DRAM1: variants seen among roughly 807,000 people sequenced by gnomAD.
DRAM1 encodes DNA damage-regulated autophagy modulator protein 1.
DRAM1 carries 25 observed loss-of-function variants against 28.5 expected under a neutral mutation model. The ratio of observed to expected loss-of-function variants is 0.88; its 90% CI spans 0.64 to 1.23. The LOEUF is 1.23. Among genes scored for constraint, DRAM1 ranks in the 50% most tolerant of loss-of-function variants. The pLI is 0.00. For synonymous variants in DRAM1, 113 were observed against 114.2 expected (o/e 0.99, Z 0.07); for missense variants, 249 against 299.2 (o/e 0.83, Z 1.24).
chr12:101,913,496 A>G (rs554905375), intron 4 of DRAM1, among the ~76,000 whole-genome samples: 188 of 152,110 alleles, frequency 1.2e-3, no homozygotes, highest in Non-Finnish European at 2.1e-3. Flanking sequence ...ACCTGAGGTC[A>G]GGAGTTCAAG....
chr12:101,908,893 C>CAAAAAAAAA (rs56843086), intron 4 of DRAM1, among the ~76,000 whole-genome samples: 2 of 70,898 alleles, frequency 2.8e-5, no homozygotes, highest in African/African-American at 4.8e-5. Context: ...TCCCCACAAC[C>CAAAAAAAAA]AAAAAAAAAA....
chr12:101,919,343 G>T (rs1190000899), intron 5 of DRAM1, among the ~76,000 whole-genome samples: 9 of 151,708 alleles, frequency 5.9e-5, no homozygotes, highest in African/African-American at 2.2e-4. Flanking sequence ...AGCAACACTA[G>T]TGTATTATTT....
At chr12:101,880,263 G>A (rs1872646923) in intron 1 of DRAM1, among the ~76,000 whole-genome samples, 2 of 139,206 alleles carry the variant, frequency 1.4e-5, no homozygotes, top group African/African-American at 2.7e-5. Context: ...ATCTTGCTGT[G>A]TCCTGCAATG....
chr12:101,877,650 G>C lies in DRAM1; in HGVS notation c.-140G>C, dbSNP rs1225466349. 2 of 530,132 alleles carry C rather than the reference G, an allele frequency of 3.8e-6. No individual in the cohort carries two copies. Among genetic ancestry groups the C allele is most frequent in the Non-Finnish European group, 5.5e-6 (2 of 361,590 alleles). 32.8% of individuals were successfully genotyped at this position (530,132 alleles called of 1,614,324 possible). ...CGCGCTTCCCCTCCCTCCGGGGCTG[G>C]GCCTGCCCCGGCCGTCGCGGAGCCT... On this transcript the variant is annotated 5_prime_UTR_variant, in exon 1 of 7. Coordinates refer to ENST00000258534, the MANE Select transcript of DRAM1 (RefSeq NM_018370.3). This position sits in a 1 kb window ranked among gnomAD's most constrained non-coding sequence, Gnocchi z 4.1.
intron 1 of DRAM1, among the ~76,000 whole-genome samples, chr12:101,890,773 C>T (rs1162995495): frequency 6.2e-5 from 8 of 128,854 alleles, no homozygotes; most frequent in African/African-American, 1.1e-4. Flanking sequence ...TTTTTTGAGT[C>T]GGCGTCTTGC....
intron 1 of DRAM1, among the ~76,000 whole-genome samples, chr12:101,886,081 A>G (rs1294889920): frequency 1.3e-5 from 2 of 152,076 alleles, no homozygotes; most frequent in Non-Finnish European, 2.9e-5. Flanking sequence ...CCAGCACCTC[A>G]TTGTTCATTG....
intron 2 of DRAM1, 144 bp downstream of exon 2, chr12:101,898,074 G>A (rs1361208853): frequency 2.0e-6 from 1 of 511,606 alleles, no homozygotes; most frequent in East Asian, 3.7e-5. Context: ...AGGCTGGAGT[G>A]CAGTGGCGTG....
At chr12:101,912,909 G>C (rs1775148995) in intron 4 of DRAM1, among the ~76,000 whole-genome samples, 1 of 151,976 alleles carries the variant, frequency 6.6e-6, no homozygotes, top group Non-Finnish European at 1.5e-5. Context: ...TGTGTTTTTA[G>C]TAGAGACTGG....
intron 4 of DRAM1, 60 bp downstream of exon 4, chr12:101,908,423 A>G (rs1873907053): frequency 1.3e-6 from 2 of 1,534,018 alleles, no homozygotes; most frequent in African/African-American, 2.7e-5. Flanking sequence ...ACACTTGTTA[A>G]AGAAGGGTAA....
intron 1 of DRAM1, among the ~76,000 whole-genome samples, chr12:101,892,158 T>G (rs1181840474): frequency 6.6e-6 from 1 of 152,116 alleles, no homozygotes; most frequent in East Asian, 1.9e-4. Context: ...AAATATTTAC[T>G]TAATATATAA....
chr12:101,905,581 CTT>C (rs1012643154), intron 3 of DRAM1, among the ~76,000 whole-genome samples: 1 of 151,670 alleles, frequency 6.6e-6, no homozygotes, highest in East Asian at 1.9e-4. Context: ...TGTGCCCAGT[CTT>C]TTATTTATTT....
At position 101,913,931 on chromosome 12, in the gene DRAM1, G is replaced by A. The variant is rs538468814; in HGVS notation, c.521-243G>A. The stretch of plus-strand genomic sequence containing the variant: ...TTACTATACACACTGGAAAACTATT[G>A]CGAAGGTATTTCCGTGTTGTGATTT... On this transcript the variant is annotated intron_variant, in intron 4 of 6. Coordinates refer to ENST00000258534, the MANE Select transcript of DRAM1 (RefSeq NM_018370.3). Among the ~76,000 whole-genome samples, 42 of 152,136 alleles carry A rather than the reference G, an allele frequency of 2.8e-4. 1 individual carries two copies. The South Asian group carries it at 8.5e-3, about 31-fold the overall frequency.
intron 1 of DRAM1, among the ~76,000 whole-genome samples, chr12:101,880,602 A>G (rs1440835719): frequency 6.6e-6 from 1 of 152,120 alleles, no homozygotes; most frequent in Non-Finnish European, 1.5e-5. Flanking sequence ...AGTGCTTCTT[A>G]TTGAGAAAAC....
At chr12:101,920,051 T>C in intron 5 of DRAM1, 58 bp from the exon 6 acceptor site, 1 of 1,210,820 alleles carries the variant, frequency 8.3e-7, no homozygotes, top group Non-Finnish European at 1.2e-6. Flanking sequence ...TGTATTTCAG[T>C]ATGTACATTA....
Position 101,914,205 on chromosome 12 carries a change from C to T in DRAM1, c.552C>T (p.Thr184=), listed in dbSNP as rs779515969. 1.1e-5 allele frequency: 17 copies of T among 1,608,412 alleles called. No individual in the cohort carries two copies. In the African/African-American group the frequency reaches 1.9e-4, roughly 18 times the overall value. ...TCTGTGCTTCACTAATTTCCATAACCAAGCTGGAGTGGAATCCAAGAGAAA... is the reference window on the plus strand; with the variant it reads ...TCTGTGCTTCACTAATTTCCATAACTAAGCTGGAGTGGAATCCAAGAGAAA... The part of the protein sequence containing the change: ...MIVCASLISI[T]KLEWNPREKD... The change falls in exon 5 of 7, where the codon ACC becomes ACT. Residue 184 remains threonine, a synonymous_variant. Transcript: ENST00000258534.
At chr12:101,914,336 C>T (rs559922011) in intron 5 of DRAM1, 104 bp downstream of exon 5, 12 of 687,502 alleles carry the variant, frequency 1.7e-5, no homozygotes, top group Admixed American at 6.2e-5. Flanking sequence ...GAACAAGTTG[C>T]AAAATGTCAA....
rs1191589616 is a variant in DRAM1, at chr12:101,921,434, T to C, written c.*174T>C. 1 of 606,080 alleles carries C rather than the reference T, an allele frequency of 1.6e-6. No homozygotes were observed. The highest frequency in any genetic ancestry group is 2.8e-5 in the East Asian group (1 of 36,100). The allele number at this position is 606,080 out of a possible 1,614,324, so 37.5% of individuals were successfully genotyped here. On this transcript the variant is annotated 3_prime_UTR_variant, in exon 7 of 7. Transcript: ENST00000258534. ...GTTGTATTTCTAAAGATGTGTTTCC[T>C]AGAGAATGTACAGCCTTATGACACT...
chr12:101,890,741 G>A (rs1444769008), intron 1 of DRAM1, among the ~76,000 whole-genome samples: 2 of 131,956 alleles, frequency 1.5e-5, no homozygotes, highest in Non-Finnish European at 3.1e-5. Flanking sequence ...GGGTGCCCCC[G>A]CCATTCTATT....
intron 2 of DRAM1, among the ~76,000 whole-genome samples, chr12:101,900,627 CA>C (rs1873564905): frequency 6.6e-6 from 1 of 152,148 alleles, no homozygotes; most frequent in Non-Finnish European, 1.5e-5. Context: ...ACTAACCCAA[CA>C]GGTTGAATTT....
Sources: gnomAD v4.1 joint callset for allele counts (sites outside exome capture counted in the v4.1 genomes callset) on GRCh38, gnomAD v4.1.1 for gene constraint, Gnocchi (gnomAD v3.1) non-coding constraint, MANE v1.5 for transcripts, NCBI Gene and HGNC (gene_info 2026-07-23, HGNC 2026-07-21) for gene names.